The following ADGRD2 variants were observed in gnomAD, a reference collection of about 807,000 sequenced individuals.
ADGRD2 encodes adhesion G protein-coupled receptor D2, also known as G protein-coupled receptor PGR24.
In ADGRD2, 71 loss-of-function variants were observed where a neutral mutation model predicts 44.4. That is an observed-to-expected ratio of 1.60 (90% CI 1.32 to 1.95). The LOEUF is 1.95. Ranked by LOEUF, ADGRD2 falls within the 30% of genes most tolerant of loss-of-function variation. ADGRD2 has a pLI of 0.00. For missense variants in ADGRD2, 1,039 were observed against 512.4 expected (o/e 2.03, Z -9.92); for synonymous variants, 481 against 224.8 (o/e 2.14, Z -10.19).
intron 17 of ADGRD2, among the ~76,000 whole-genome samples, chr9:124,471,252 G>A (rs866666018): frequency 3.3e-5 from 5 of 151,996 alleles, no homozygotes; most frequent in East Asian, 1.9e-4. Flanking sequence ...GTTTTCCCTC[G>A]ACCTCCCTGG....
chr9:124,469,583 G>T, intron 16 of ADGRD2, 36 bp downstream of exon 19: 1 of 715,326 alleles, frequency 1.4e-6, no homozygotes, highest in South Asian at 1.5e-5. Context: ...CAGGAAGCAG[G>T]AAGTGCACAG....
At chr9:124,476,770 C>G (rs1052759011) in intron 21 of ADGRD2, 61 bp downstream of exon 24, 13 of 678,230 alleles carry the variant, frequency 1.9e-5, no homozygotes, top group Non-Finnish European at 3.5e-5. Flanking sequence ...CCCCCTAAGC[C>G]CCCCGTACCA....
chr9:124,453,799 G>C lies in ADGRD2; in HGVS notation c.923+123G>C. The C allele has an allele frequency of 4.9e-6, 3 of 606,072 alleles. No homozygotes were observed. The East Asian group carries it at 8.7e-5, about 17-fold the overall frequency. The allele number at this position is 606,072 out of a possible 1,614,324, so 37.5% of individuals were successfully genotyped here. A position where few individuals can be genotyped will look rare whatever the true frequency, so the allele number is the denominator to read the frequency against. ...GCTCTGGCCACGCCCTCTCCAGGCCGCAGTGCCTGCAAGCTCCAGCATAAA... is the reference window on the plus strand; with the variant it reads ...GCTCTGGCCACGCCCTCTCCAGGCCCCAGTGCCTGCAAGCTCCAGCATAAA... On this transcript the variant is annotated intron_variant, in intron 3 of 21. Transcript: ENST00000334810.
chr9:124,475,574 C>T (rs972977689), exon 19 of ADGRD2: 13 of 617,492 alleles, frequency 2.1e-5, no homozygotes, highest in Admixed American at 1.5e-4. Flanking sequence ...CCCCCAGGTG[C>T]GGAGCGCCCT....
chr9:124,468,602 G>C, exon 14 of ADGRD2: 1 of 718,568 alleles, frequency 1.4e-6, no homozygotes, highest in South Asian at 1.5e-5. Context: ...GGCTGCTGCT[G>C]TGGAGGAAGG....
intron 17 of ADGRD2, among the ~76,000 whole-genome samples, chr9:124,474,506 TG>T (rs1408602561): frequency 6.6e-6 from 1 of 151,988 alleles, no homozygotes; most frequent in Non-Finnish European, 1.5e-5. Context: ...TCTTGGAGAA[TG>T]GGGGTGGTGG....
chr9:124,475,374 C>A, intron 17 of ADGRD2, 72 bp from the exon 21 acceptor site: 1 of 674,294 alleles, frequency 1.5e-6, no homozygotes, highest in South Asian at 1.6e-5. Context: ...CGCCGGGACC[C>A]CAGGCAAGGC....
rs747551045 is a variant in ADGRD2, at chr9:124,466,252, C to G, written c.1871-6C>G. On this transcript the variant is annotated splice_polypyrimidine_tract_variant and splice_region_variant and intron_variant, in intron 10 of 21. Transcript: ENST00000334810. ...CCCCTCACCCCCTTGTCCACCTTATCTCAAGAGCCCCCTGTTCCCTCCCCA... is the reference window on the plus strand; with the variant it reads ...CCCCTCACCCCCTTGTCCACCTTATGTCAAGAGCCCCCTGTTCCCTCCCCA... 4 of 622,696 alleles carry G rather than the reference C, an allele frequency of 6.4e-6. 1 individual carries two copies. In the South Asian group the frequency reaches 7.5e-5, roughly 12 times the overall value. The allele number at this position is 622,696 out of a possible 1,614,324, so 38.6% of individuals were successfully genotyped here.
Position 124,467,992 on chromosome 9 carries a change from T to A in ADGRD2, c.2131-96T>A, listed in dbSNP as rs867288817. ...TGTGGAGCTGCTCTCTTTCCCTCCA[T>A]CTGCCCAGGCACAGGGGATCGGGCA... On this transcript the variant is annotated intron_variant, in intron 12 of 21. Transcript: ENST00000334810. The A allele has an allele frequency of 2.4e-5, 17 of 711,486 alleles. 1 individual carries two copies. Among genetic ancestry groups the A allele is most frequent in the South Asian group, 2.4e-4 (16 of 66,992 alleles). The allele number at this position is 711,486 out of a possible 1,614,324, so 44.1% of individuals were successfully genotyped here.
chr9:124,475,515 A>G, intron 18 of ADGRD2, 28 bp downstream of exon 21: 1 of 715,416 alleles, frequency 1.4e-6, no homozygotes, highest in Non-Finnish European at 2.6e-6. Flanking sequence ...GGCTGCAGGG[A>G]GAGGGGTCCA....
In ADGRD2 at chr9:124,466,395, G is replaced by A. The variant is rs756868474; in HGVS notation, c.2010G>A (p.Leu670=). Residue 670 remains leucine (L), a synonymous_variant, in exon 11 of 22, where the codon CTG becomes CTA. Coordinates refer to ENST00000334810, the Ensembl canonical transcript of ADGRD2. Reference sequence around the variant, plus strand: ...ACAGCACCAGCTTTGCCATCCTGCTGCAAATCTATGAAGTACAGGTGAGTG... The same window carrying A: ...ACAGCACCAGCTTTGCCATCCTGCTACAAATCTATGAAGTACAGGTGAGTG... 1.5e-5 allele frequency: 11 copies of A among 716,410 alleles called. No individual in the cohort carries two copies. In the South Asian group the frequency reaches 1.6e-4, roughly 11 times the overall value. 44.4% of individuals were successfully genotyped at this position (716,410 alleles called of 1,614,324 possible). A position where few individuals can be genotyped will look rare whatever the true frequency, so the allele number is the denominator to read the frequency against.
At chr9:124,467,340 CAAAAAAAAAAAAA>C (rs59651695) in intron 11 of ADGRD2, 2 of 104,994 alleles carry the variant, frequency 1.9e-5, no homozygotes, top group Non-Finnish European at 4.0e-5. Flanking sequence ...CTTGAAGCAA[CAAAAAAAAAAAAA>C]AAAAAAAAAA....
At chr9:124,476,578 C>A in intron 20 of ADGRD2, 101 bp from the exon 24 acceptor site, 1 of 639,188 alleles carries the variant, frequency 1.6e-6, no homozygotes, top group South Asian at 1.7e-5. Context: ...GGGGGAGCTG[C>A]TGGCGGCAAG....
exon 11 of ADGRD2, chr9:124,466,320 C>T (rs533337866): frequency 9.8e-6 from 7 of 716,992 alleles, no homozygotes; most frequent in Admixed American, 4.0e-5. Flanking sequence ...CCACCACAGG[C>T]TGCTCCGTGG....
intron 10 of ADGRD2, among the ~76,000 whole-genome samples, chr9:124,459,442 C>T (rs888037986): frequency 2.8e-4 from 42 of 151,434 alleles, no homozygotes; most frequent in African/African-American, 9.5e-4. Context: ...TGTAGTGAGC[C>T]GAAATCACAC....
chr9:124,453,433 G>C (rs1417233950), exon 3 of ADGRD2: 1 of 661,800 alleles, frequency 1.5e-6, no homozygotes. Flanking sequence ...GGTGCCGTCC[G>C]GCGGCATCCT....
intron 20 of ADGRD2, 80 bp from the exon 24 acceptor site, chr9:124,476,599 C>A (rs1588611251): frequency 6.1e-6 from 4 of 652,510 alleles, no homozygotes; most frequent in East Asian, 5.4e-5. Context: ...CTGGCAGAGG[C>A]CCCTATAGCC....
In ADGRD2 at chr9:124,457,464, A is replaced by T; in HGVS notation, c.1506-8A>T. ...GAGGTCCAGCCACCCAGCCCCATTT[A>T]CCCCCAGGCCTGGAGGTGCGGAGCT... On this transcript the variant is annotated splice_polypyrimidine_tract_variant and splice_region_variant and intron_variant, in intron 7 of 21. Coordinates refer to ENST00000334810, the Ensembl canonical transcript of ADGRD2. The T allele has an allele frequency of 1.7e-6, 1 of 593,092 alleles. No individual in the cohort carries two copies. The highest frequency in any genetic ancestry group is 2.0e-5 in the South Asian group (1 of 49,304). The allele number at this position is 593,092 out of a possible 1,614,324, so 36.7% of individuals were successfully genotyped here. A position where few individuals can be genotyped will look rare whatever the true frequency, so the allele number is the denominator to read the frequency against.
intron 10 of ADGRD2, 99 bp downstream of exon 13, chr9:124,458,820 A>G: frequency 1.6e-6 from 1 of 640,740 alleles, no homozygotes; most frequent in Non-Finnish European, 2.9e-6. Flanking sequence ...ACCAAGGCCT[A>G]ATAATGCACA....
Sources: gnomAD v4.1 joint callset for allele counts (sites outside exome capture counted in the v4.1 genomes callset) on GRCh38, gnomAD v4.1.1 for gene constraint, MANE v1.5 for transcripts, NCBI Gene and HGNC (gene_info 2026-07-23, HGNC 2026-07-21) for gene names.